ZNF44: variants seen among roughly 807,000 people sequenced by gnomAD.
ZNF44 encodes zinc finger protein 44, also known as gonadotropin inducible transcription repressor-2.
Under a neutral mutation model 11.7 loss-of-function variants are expected in ZNF44, and 9 were observed. The ratio of observed to expected loss-of-function variants is 0.77; its 90% CI spans 0.46 to 1.35. The LOEUF is 1.35. Among genes scored for constraint, ZNF44 ranks in the 40% most tolerant of loss-of-function variants. The pLI is 0.00. For missense variants in ZNF44, 696 were observed against 743.1 expected, an observed-to-expected ratio of 0.94 and a Z score of 0.74; for synonymous variants, 224 against 242.7, an observed-to-expected ratio of 0.92 and a Z score of 0.72.
At chr19:12,293,471 G>A (rs1400327814) in intron 1 of ZNF44, 3 of 1,288,290 alleles carry the variant, frequency 2.3e-6, no homozygotes, top group Non-Finnish European at 3.1e-6. Flanking sequence ...AGGCACAAAG[G>A]TTTGGTTTTT....
intron 1 of ZNF44, among the ~76,000 whole-genome samples, chr19:12,279,564 T>C (rs1157087543): frequency 8.3e-6 from 1 of 120,018 alleles, no homozygotes; most frequent in Non-Finnish European, 1.7e-5. Context: ...CAATTTGAGA[T>C]AAATCTGAGA....
intron 7 of ZNF44, among the ~76,000 whole-genome samples, chr19:12,248,976 G>A (rs1211368358): frequency 2.0e-5 from 3 of 151,300 alleles, no homozygotes; most frequent in Non-Finnish European, 1.5e-5. Flanking sequence ...GCAGTGGTGC[G>A]ATCTTGGCTC....
At chr19:12,286,042 A>C (rs1967731588) in intron 1 of ZNF44, among the ~76,000 whole-genome samples, 1 of 152,004 alleles carries the variant, frequency 6.6e-6, no homozygotes, top group Non-Finnish European at 1.5e-5. Flanking sequence ...AAAAAAGTCA[A>C]GTCCTATGAG....
intron 1 of ZNF44, among the ~76,000 whole-genome samples, chr19:12,290,347 T>TG (rs1312102796): frequency 6.7e-6 from 1 of 149,816 alleles, no homozygotes; most frequent in African/African-American, 2.5e-5. Flanking sequence ...ATCATGCCGT[T>TG]GCAGTTGCAC....
chr19:12,264,269 A>G (rs1219886228), intron 5 of ZNF44, among the ~76,000 whole-genome samples: 1 of 152,136 alleles, frequency 6.6e-6, no homozygotes, highest in Non-Finnish European at 1.5e-5. Context: ...GTGAGTATGT[A>G]GGACACCTGC....
At chr19:12,241,826 T>C (rs1916626861), upstream of ZNF44, among the ~76,000 whole-genome samples, 1 of 152,194 alleles carries the variant, frequency 6.6e-6, no homozygotes, top group Admixed American at 6.6e-5. Context: ...CAAAGTGTGG[T>C]GTATCCAATA....
chr19:12,243,234 TA>T (rs35765795), downstream of ZNF44, among the ~76,000 whole-genome samples: 2,139 of 152,322 alleles, frequency 0.014, 42 homozygotes, highest in African/African-American at 0.049. Flanking sequence ...CTGTAATGGT[TA>T]CCACAGTCAA....
intron 2 of ZNF44, among the ~76,000 whole-genome samples, chr19:12,233,185 C>G (rs575384564): frequency 6.6e-6 from 1 of 152,080 alleles, no homozygotes; most frequent in Non-Finnish European, 1.5e-5. Context: ...GAGAAACCCC[C>G]CTCCGGCCAG....
chr19:12,276,039 T>C lies in ZNF44; in HGVS notation c.47A>G (p.Glu16Gly), dbSNP rs1967206263. Residue 16 changes from glutamate to glycine, a missense_variant, in exon 2 of 4, where the codon GAG becomes GGG. Coordinates refer to ENST00000355684, the MANE Select transcript of ZNF44 (RefSeq NM_016264.4). ...TGATGGACCCAGCAAAGCCCACTCC[T>C]CATGGGTGAAGTTCACAGCCACATC... The part of the protein sequence containing the change: ...FEDVAVNFTH[E>G]EWALLGPSQK... 1.2e-6 allele frequency: 2 copies of C among 1,609,174 alleles called. No homozygotes were observed. The highest frequency in any genetic ancestry group is 2.2e-5 in the East Asian group (1 of 44,712).
chr19:12,268,137 C>G (rs865808016), downstream of ZNF44, among the ~76,000 whole-genome samples: 8 of 126,220 alleles, frequency 6.3e-5, no homozygotes, highest in African/African-American at 2.4e-4. Context: ...TTCTTACACA[C>G]ACACACAGAC....
At chr19:12,267,049 T>C (rs1024646756), downstream of ZNF44, among the ~76,000 whole-genome samples, 4 of 151,108 alleles carry the variant, frequency 2.6e-5, no homozygotes, top group Admixed American at 1.3e-4. Flanking sequence ...TTTTCTTTTT[T>C]TTTTTTTTGA....
intron 1 of ZNF44, among the ~76,000 whole-genome samples, chr19:12,280,863 T>G (rs1967450002): frequency 6.6e-6 from 1 of 152,152 alleles, no homozygotes; most frequent in Non-Finnish European, 1.5e-5. Flanking sequence ...ATAGAGAGAT[T>G]TCATAATGAT....
At position 12,229,904 on chromosome 19, in the gene ZNF44, G is replaced by A. The variant is rs370021993; in HGVS notation, n.436+556C>T. On this transcript the variant is annotated intron_variant and non_coding_transcript_variant, in intron 3 of 3. Transcript: ENST00000597563. Reference sequence around the variant, plus strand: ...TGGGATTATAGACGTGAGCCACCACGCTCAGCCAGGAAGAAAGATTTAGGA... The same window carrying A: ...TGGGATTATAGACGTGAGCCACCACACTCAGCCAGGAAGAAAGATTTAGGA... 3.9e-5 allele frequency among the ~76,000 whole-genome samples: 6 copies of A among 152,238 alleles called. No individual in the cohort carries two copies. The South Asian group carries it at 6.2e-4, about 16-fold the overall frequency.
At chr19:12,289,782 C>T (rs1298492736) in intron 1 of ZNF44, among the ~76,000 whole-genome samples, 2 of 151,610 alleles carry the variant, frequency 1.3e-5, no homozygotes, top group African/African-American at 4.8e-5. Flanking sequence ...GTAGCACCCG[C>T]CAGCATGCCT....
chr19:12,243,639 A>G (rs1053178777), downstream of ZNF44, among the ~76,000 whole-genome samples: 5 of 152,202 alleles, frequency 3.3e-5, no homozygotes, highest in African/African-American at 1.2e-4. Flanking sequence ...AGTGGCAGAT[A>G]TCTCTTTGAA....
At chr19:12,282,545 T>A (rs1276625201) in intron 1 of ZNF44, among the ~76,000 whole-genome samples, 1 of 150,518 alleles carries the variant, frequency 6.6e-6, no homozygotes, top group East Asian at 2.0e-4. Flanking sequence ...CCTCAGCCTC[T>A]CGAGCAGCTG....
In ZNF44 at chr19:12,266,466, G is replaced by A. The variant is rs190558996; in HGVS notation, c.1912+6021C>T. Among the ~76,000 whole-genome samples the A allele has an allele frequency of 3.9e-5, 6 of 152,318 alleles. No individual in the cohort carries two copies. In the East Asian group the frequency reaches 1.2e-3, roughly 29 times the overall value. On this transcript the variant is annotated intron_variant and NMD_transcript_variant, in intron 5 of 7. Coordinates refer to the ZNF44 transcript ENST00000393337. ...GCTTTAGCGCGTCGCCCCGCCTGCT[G>A]CCCTACAGCACGCCTGATTGGACTG...
At chr19:12,245,112 T>C (rs764363845), downstream of ZNF44, among the ~76,000 whole-genome samples, 1 of 152,182 alleles carries the variant, frequency 6.6e-6, no homozygotes, top group Non-Finnish European at 1.5e-5. Context: ...GTAAGAATTT[T>C]AAAAAATTTT....
intron 2 of ZNF44, among the ~76,000 whole-genome samples, chr19:12,232,050 C>T (rs1348453410): frequency 6.6e-6 from 1 of 152,174 alleles, no homozygotes; most frequent in Non-Finnish European, 1.5e-5. Flanking sequence ...GTCAGCGTCA[C>T]AAGACAATAG....
Sources: gnomAD v4.1 joint callset for allele counts (sites outside exome capture counted in the v4.1 genomes callset) on GRCh38, gnomAD v4.1.1 for gene constraint, MANE v1.5 for transcripts, NCBI Gene and HGNC (gene_info 2026-07-23, HGNC 2026-07-21) for gene names.